Variants in ATP8A2 observed in about 807,000 individuals in gnomAD.
The protein encoded by ATP8A2 is ATPase phospholipid transporting 8A2, also known as phospholipid-transporting ATPase IB.
In ATP8A2, 100 loss-of-function variants were observed where a neutral mutation model predicts 165.6. The observed-to-expected ratio is 0.60, with a 90% CI of 0.51 to 0.71. The LOEUF (loss-of-function observed/expected upper bound fraction) is 0.71. ATP8A2 is among the 30% of genes least tolerant of loss of function. ATP8A2 has a pLI of 0.00. For synonymous variants in ATP8A2, 543 were observed against 548.8 expected, an observed-to-expected ratio of 0.99 and a Z score of 0.15; for missense variants, 1,227 against 1,479.5, an observed-to-expected ratio of 0.83 and a Z score of 2.80.
chr13:25,490,368 G>A (rs969867191), intron 2 of ATP8A2, among the ~76,000 whole-genome samples: 1 of 152,210 alleles, frequency 6.6e-6, no homozygotes, highest in African/African-American at 2.4e-5. Flanking sequence ...AGCACAGCAC[G>A]GACGGGCCAG....
At chr13:25,682,416 G>C (rs1479394738) in intron 24 of ATP8A2, among the ~76,000 whole-genome samples, 1 of 152,118 alleles carries the variant, frequency 6.6e-6, no homozygotes, top group African/African-American at 2.4e-5. Flanking sequence ...CATGCTCCCC[G>C]GCAGCTGTTT....
At chr13:25,536,379 G>A (rs1164770038) in intron 6 of ATP8A2, among the ~76,000 whole-genome samples, 1 of 151,948 alleles carries the variant, frequency 6.6e-6, no homozygotes, top group South Asian at 2.1e-4. Context: ...GCCTCCCAAA[G>A]TGTTGGGATT....
intron 2 of ATP8A2, among the ~76,000 whole-genome samples, chr13:25,478,369 A>G (rs1412275521): frequency 6.6e-6 from 1 of 152,196 alleles, no homozygotes; most frequent in Non-Finnish European, 1.5e-5. Context: ...TAGCTGAGTC[A>G]CTCAACAGAC....
intron 27 of ATP8A2, among the ~76,000 whole-genome samples, chr13:25,807,615 T>C (rs1174123437): frequency 6.6e-6 from 1 of 152,228 alleles, no homozygotes; most frequent in Admixed American, 6.5e-5. Flanking sequence ...AATTCATGGA[T>C]CCATTACTAA....
At chr13:25,493,520 C>G (rs1037378445) in intron 2 of ATP8A2, among the ~76,000 whole-genome samples, 10 of 152,074 alleles carry the variant, frequency 6.6e-5, no homozygotes, top group African/African-American at 2.2e-4. Flanking sequence ...TGAGAAAGCT[C>G]ACTGTGGGAT....
At chr13:25,760,249 A>G (rs745763428) in intron 25 of ATP8A2, among the ~76,000 whole-genome samples, 2 of 152,198 alleles carry the variant, frequency 1.3e-5, no homozygotes, top group Non-Finnish European at 2.9e-5. Flanking sequence ...AAAGAAGACA[A>G]TGCTCATAGG....
chr13:25,591,766 A>G lies in ATP8A2; in HGVS notation c.2211+2067A>G, dbSNP rs998896806. On this transcript the variant is annotated intron_variant, in intron 24 of 36. Transcript: ENST00000381655. The stretch of plus-strand genomic sequence containing the variant: ...CCTGGCTAATTTTTGTATTTTTAGT[A>G]GAGATGGAGTTTCACCATGTTGGCC... Among the ~76,000 whole-genome samples, 20 of 152,048 alleles carry G rather than the reference A, an allele frequency of 1.3e-4. 1 individual carries two copies. The highest frequency in any genetic ancestry group is 3.9e-4 in the African/African-American group (16 of 41,400).
intron 16 of ATP8A2, among the ~76,000 whole-genome samples, chr13:25,569,487 T>C (rs1020023121): frequency 2.6e-5 from 4 of 152,212 alleles, no homozygotes; most frequent in Middle Eastern, 3.2e-3. Flanking sequence ...TATCTCAATT[T>C]TATAGCCAGT....
chr13:25,578,913 G>A lies in ATP8A2; in HGVS notation c.1867+14G>A. The A allele has an allele frequency of 6.4e-7, 1 of 1,567,494 alleles. No individual in the cohort carries two copies. Among genetic ancestry groups the A allele is most frequent in the Non-Finnish European group, 8.8e-7 (1 of 1,138,016 alleles). On this transcript the variant is annotated intron_variant, in intron 21 of 36. Transcript: ENST00000381655. ...TTGCCACGGAAGGTAAGTGGAATTT[G>A]GAAATGCTGTTTTTGGCCATTGGAG...
intron 34 of ATP8A2, 54 bp from the exon 35 acceptor site, chr13:25,968,521 C>T (rs1955835525): frequency 1.3e-6 from 2 of 1,511,726 alleles, no homozygotes; most frequent in Middle Eastern, 1.7e-4. Context: ...CTGTCTTTCC[C>T]AGCTGTGTCA....
intron 33 of ATP8A2, among the ~76,000 whole-genome samples, chr13:25,912,327 T>C (rs1460237738): frequency 6.6e-6 from 1 of 152,136 alleles, no homozygotes; most frequent in Non-Finnish European, 1.5e-5. Context: ...CACTTACATG[T>C]GAAATCTAAA....
chr13:25,511,296 T>C (rs1292585859), intron 2 of ATP8A2, among the ~76,000 whole-genome samples: 3 of 152,210 alleles, frequency 2.0e-5, no homozygotes, highest in Non-Finnish European at 4.4e-5. Flanking sequence ...AACCTCTCTA[T>C]ATATTTTAAA....
At position 25,503,293 on chromosome 13, in the gene ATP8A2, A is replaced by T. The variant is rs115318194; in HGVS notation, c.222-26706A>T. Reference sequence around the variant, plus strand: ...ATGGGTACTGGTTGAGAAGAAATCAATGACATACGCAAACAGAGTAGCCTA... The same window carrying T: ...ATGGGTACTGGTTGAGAAGAAATCATTGACATACGCAAACAGAGTAGCCTA... On this transcript the variant is annotated intron_variant, in intron 2 of 36. Transcript: ENST00000381655. Among the ~76,000 whole-genome samples, 714 of 152,302 alleles carry T rather than the reference A, an allele frequency of 4.7e-3. 2 individuals carry two copies. The highest frequency in any genetic ancestry group is 0.016 in the African/African-American group (665 of 41,564).
At chr13:25,944,782 T>G (rs540710558) in intron 33 of ATP8A2, 1 of 152,324 alleles carries the variant, frequency 6.6e-6, no homozygotes, top group East Asian at 1.9e-4. Context: ...ATAAAAAAAT[T>G]ATTTAAAAAA....
intron 23 of ATP8A2, among the ~76,000 whole-genome samples, chr13:25,582,379 T>C (rs2039800095): frequency 6.6e-6 from 1 of 152,234 alleles, no homozygotes; most frequent in South Asian, 2.1e-4. Context: ...CCTTCCCAGC[T>C]TGTTGACAAC....
intron 4 of ATP8A2, among the ~76,000 whole-genome samples, chr13:25,531,219 G>GATATATGTTATATATGAT (rs67619250): frequency 4.3e-5 from 5 of 116,874 alleles, no homozygotes; most frequent in Admixed American, 2.7e-4. Context: ...TGTTATATAT[G>GATATATGTTATATATGAT]ATATATGTTA....
At chr13:25,890,087 G>A (rs1215317397) in intron 33 of ATP8A2, among the ~76,000 whole-genome samples, 3 of 152,062 alleles carry the variant, frequency 2.0e-5, no homozygotes, top group African/African-American at 7.2e-5. Flanking sequence ...ACTTGAACCT[G>A]GGAGGTGGAG....
intron 24 of ATP8A2, among the ~76,000 whole-genome samples, chr13:25,690,455 TAGAC>T (rs1370434712): frequency 6.6e-6 from 1 of 151,228 alleles, no homozygotes; most frequent in Non-Finnish European, 1.5e-5. Context: ...GAGAGCTTCT[TAGAC>T]AAGGCAAGCC....
chr13:26,000,928 T>C (rs1956620133), intron 35 of ATP8A2, among the ~76,000 whole-genome samples: 1 of 152,228 alleles, frequency 6.6e-6, no homozygotes, highest in Non-Finnish European at 1.5e-5. Flanking sequence ...TACATGGCAG[T>C]TGGTAGAGTC....
Sources: gnomAD v4.1 joint callset for allele counts (sites outside exome capture counted in the v4.1 genomes callset) on GRCh38, gnomAD v4.1.1 for gene constraint, MANE v1.5 for transcripts, NCBI Gene and HGNC (gene_info 2026-07-23, HGNC 2026-07-21) for gene names.